The following MEGF6 variants were observed in gnomAD, a reference collection of about 807,000 sequenced individuals.
The protein encoded by MEGF6 is multiple epidermal growth factor-like domains protein 6.
Under a neutral mutation model 207.1 loss-of-function variants are expected in MEGF6, and 184 were observed. The ratio of observed to expected loss-of-function variants is 0.89; its 90% CI spans 0.79 to 1.00. MEGF6 has a LOEUF of 1.00. Among genes scored for constraint, MEGF6 ranks in the 50% least tolerant of loss-of-function variants. MEGF6 has a pLI of 0.00. For missense variants in MEGF6, 2,282 were observed against 2,202.9 expected (o/e 1.04, Z -0.72); for synonymous variants, 1,038 against 910.0 (o/e 1.14, Z -2.53).
chr1:3,493,483 A>C, intron 34 of MEGF6: 1 of 494,104 alleles, frequency 2.0e-6, no homozygotes, highest in Non-Finnish European at 3.6e-6. Context: ...AGATCAGGGA[A>C]GTCTTTCCAC....
chr1:3,592,787 G>A (rs543418574), intron 3 of MEGF6, among the ~76,000 whole-genome samples: 26 of 151,562 alleles, frequency 1.7e-4, no homozygotes, highest in Non-Finnish European at 2.5e-4. Flanking sequence ...GGGATTCCCC[G>A]GACCATGAAA....
chr1:3,610,604 C>T (rs998555823), intron 1 of MEGF6, among the ~76,000 whole-genome samples: 1 of 152,264 alleles, frequency 6.6e-6, no homozygotes, highest in Admixed American at 6.5e-5. Context: ...AAATTAAATT[C>T]ATCTCGGCTG....
intron 1 of MEGF6, among the ~76,000 whole-genome samples, chr1:3,607,880 C>T (rs1644273860): frequency 6.6e-6 from 1 of 152,198 alleles, no homozygotes; most frequent in African/African-American, 2.4e-5. Flanking sequence ...TGCGGGGTCC[C>T]TCCAGGGCAG....
rs557844505 is a variant in MEGF6, at chr1:3,491,053, G to A, written c.4517-94C>T. On this transcript the variant is annotated intron_variant, in intron 35 of 36. Coordinates refer to ENST00000356575, the MANE Select transcript of MEGF6 (RefSeq NM_001409.4). ...GGCGTGACCCCATCCAGGCCTTCAG[G>A]GACCTCCACTTCCCCCGCACAGTCT... 4 of 1,214,040 alleles carry A rather than the reference G, an allele frequency of 3.3e-6. No homozygotes were observed. The African/African-American group carries it at 6.2e-5, about 19-fold the overall frequency. 75.2% of individuals were successfully genotyped at this position (1,214,040 alleles called of 1,614,324 possible).
At chr1:3,607,737 T>C (rs1207852649) in intron 1 of MEGF6, among the ~76,000 whole-genome samples, 1 of 152,208 alleles carries the variant, frequency 6.6e-6, no homozygotes, top group Non-Finnish European at 1.5e-5. Context: ...GCCTCCCATC[T>C]GGGGGCGTGG....
intron 20 of MEGF6, 97 bp from the exon 21 acceptor site, chr1:3,500,861 G>A (rs1206712498): frequency 1.3e-6 from 2 of 1,595,294 alleles, no homozygotes; most frequent in Non-Finnish European, 1.7e-6. Context: ...ACTGGGGCAA[G>A]GCCTCCTGCA....
At chr1:3,536,616 G>A (rs1642337749) in intron 4 of MEGF6, among the ~76,000 whole-genome samples, 1 of 152,172 alleles carries the variant, frequency 6.6e-6, no homozygotes, top group Non-Finnish European at 1.5e-5. Flanking sequence ...GGGTCTGGAA[G>A]CTGTTTGGGA....
intron 11 of MEGF6, 99 bp downstream of exon 11, chr1:3,509,771 A>AGGTGGG: frequency 7.1e-7 from 1 of 1,409,142 alleles, no homozygotes. Flanking sequence ...GACCCCAGGC[A>AGGTGGG]GGTGGGGGTG....
rs1296812525 is a variant in MEGF6, at chr1:3,576,707, T to TACACTCAGTCCTGC, written c.481+3104_481+3117dup. ...ACTCAGCCCTGCACACTCAGTCCTG[T>TACACTCAGTCCTGC]ACACTCAGTCCTGCACCCTCAGCCC... On this transcript the variant is annotated intron_variant, in intron 4 of 36. Transcript: ENST00000356575. Among the ~76,000 whole-genome samples the TACACTCAGTCCTGC allele has an allele frequency of 9.4e-3, 1,357 of 144,518 alleles. 17 individuals carry two copies. Among genetic ancestry groups the TACACTCAGTCCTGC allele is most frequent in the African/African-American group, 0.033 (1,295 of 38,770 alleles). 94.8% of individuals were successfully genotyped at this position (144,518 alleles called of 152,430 possible).
chr1:3,539,071 G>T (rs1642421185), intron 4 of MEGF6, among the ~76,000 whole-genome samples: 1 of 152,212 alleles, frequency 6.6e-6, no homozygotes, highest in Non-Finnish European at 1.5e-5. Flanking sequence ...GTGGGGTCAA[G>T]AGCCCAGTAG....
chr1:3,510,299 G>A (rs1641290850), intron 10 of MEGF6, among the ~76,000 whole-genome samples: 1 of 152,148 alleles, frequency 6.6e-6, no homozygotes, highest in African/African-American at 2.4e-5. Flanking sequence ...TCAGGCCAGA[G>A]GGAGGGAGGG....
chr1:3,602,836 C>G (rs1644182457), intron 1 of MEGF6, among the ~76,000 whole-genome samples: 1 of 152,154 alleles, frequency 6.6e-6, no homozygotes, highest in Non-Finnish European at 1.5e-5. Flanking sequence ...CACGCATGGC[C>G]CACAGCGTGG....
intron 3 of MEGF6, among the ~76,000 whole-genome samples, chr1:3,589,425 C>T (rs188059970): frequency 1.2e-4 from 18 of 152,228 alleles, no homozygotes; most frequent in South Asian, 2.1e-4. Flanking sequence ...CTCAGGGCCC[C>T]GCACCTTCTG....
intron 3 of MEGF6, among the ~76,000 whole-genome samples, chr1:3,584,848 C>T: frequency 6.6e-6 from 1 of 152,260 alleles, no homozygotes; most frequent in Admixed American, 6.5e-5. Context: ...CCCTCAGCAC[C>T]TGCACACCCC....
intron 4 of MEGF6, among the ~76,000 whole-genome samples, chr1:3,525,309 G>A (rs576750329): frequency 6.6e-6 from 1 of 152,362 alleles, no homozygotes; most frequent in African/African-American, 2.4e-5. Context: ...TCCAGACTTA[G>A]CTGATGCCCC....
chr1:3,617,060 T>C, the MEGF6 span, among the ~76,000 whole-genome samples: 69,619 of 151,542 alleles, frequency 0.46, 16,510 homozygotes, highest in East Asian at 0.6. Context: ...CTCTACACCC[T>C]GCTCCCGCCA....
chr1:3,602,839 C>T (rs1205239365), intron 1 of MEGF6, among the ~76,000 whole-genome samples: 2 of 152,220 alleles, frequency 1.3e-5, no homozygotes, highest in Non-Finnish European at 2.9e-5. Flanking sequence ...GCATGGCCCA[C>T]AGCGTGGATC....
chr1:3,497,695 G>A (rs1320465944), intron 26 of MEGF6: 3 of 484,674 alleles, frequency 6.2e-6, no homozygotes, highest in East Asian at 5.0e-5. Flanking sequence ...GAAGGAGCCG[G>A]GAGACAGCAG....
intron 10 of MEGF6, among the ~76,000 whole-genome samples, chr1:3,510,539 A>G (rs1028136709): frequency 6.9e-6 from 1 of 144,354 alleles, no homozygotes; most frequent in East Asian, 2.1e-4. Context: ...CAACGCCCAC[A>G]GCCCTGAACT....
Sources: gnomAD v4.1 joint callset for allele counts (sites outside exome capture counted in the v4.1 genomes callset) on GRCh38, gnomAD v4.1.1 for gene constraint, MANE v1.5 for transcripts, NCBI Gene and HGNC (gene_info 2026-07-23, HGNC 2026-07-21) for gene names.